ZNF33B: variants seen among roughly 807,000 people sequenced by gnomAD.
ZNF33B encodes zinc finger protein 11b (KOX 2).
ZNF33B carries 29 observed loss-of-function variants against 45.8 expected under a neutral mutation model. That is an observed-to-expected ratio of 0.63 (90% confidence interval 0.47 to 0.86). ZNF33B has a LOEUF of 0.86. Among genes scored for constraint, ZNF33B ranks in the 40% least tolerant of loss-of-function variants. The pLI is 0.00. For missense variants in ZNF33B, 831 were observed against 909.9 expected, an observed-to-expected ratio of 0.91 and a Z score of 1.12; for synonymous variants, 305 against 307.8, an observed-to-expected ratio of 0.99 and a Z score of 0.10.
intron 4 of ZNF33B, chr10:42,605,411 CAGA>C (rs905099332): frequency 4.2e-4 from 64 of 151,932 alleles, no homozygotes; most frequent in Middle Eastern, 3.4e-3. Flanking sequence ...CAGTAGAGGC[CAGA>C]AGGAGGCAGG....
intron 1 of ZNF33B, among the ~76,000 whole-genome samples, chr10:42,578,947 T>C (rs1836785482): frequency 6.6e-6 from 1 of 152,222 alleles, no homozygotes; most frequent in South Asian, 2.1e-4. Flanking sequence ...GTGACATAGA[T>C]GCATTCTGAT....
intron 4 of ZNF33B, among the ~76,000 whole-genome samples, chr10:42,612,608 A>C (rs1838148814): frequency 1.3e-5 from 2 of 152,122 alleles, no homozygotes; most frequent in Admixed American, 1.3e-4. Flanking sequence ...AAGATGTTGT[A>C]TTCTACTTGG....
At chr10:42,599,317 T>C (rs1017482428) in intron 4 of ZNF33B, among the ~76,000 whole-genome samples, 2 of 152,108 alleles carry the variant, frequency 1.3e-5, no homozygotes, top group African/African-American at 4.8e-5. Flanking sequence ...TCCATTTTGT[T>C]TTTTATTATT....
chr10:42,623,596 A>G (rs1838681934), intron 4 of ZNF33B, among the ~76,000 whole-genome samples: 1 of 152,248 alleles, frequency 6.6e-6, no homozygotes, highest in Non-Finnish European at 1.5e-5. Context: ...ATGTTGTCAC[A>G]CTACTGACAT....
chr10:42,578,142 C>T (rs1836775582), intron 1 of ZNF33B, among the ~76,000 whole-genome samples: 1 of 152,184 alleles, frequency 6.6e-6, no homozygotes, highest in Non-Finnish European at 1.5e-5. Context: ...CTGAGTCCTC[C>T]CTGGGACCCT....
At chr10:42,630,915 C>T (rs1839019437) in intron 4 of ZNF33B, among the ~76,000 whole-genome samples, 1 of 152,214 alleles carries the variant, frequency 6.6e-6, no homozygotes, top group African/African-American at 2.4e-5. Context: ...CTCCCTTCAG[C>T]CACTGTGACT....
In ZNF33B at chr10:42,594,191, C is replaced by G. The variant is rs886468450; in HGVS notation, c.759G>C (p.Gly253=). ...GGGATGAACTATCACAGAAAGTTCTCCCAAATTCATTATAGTCACAGTTAT... is the reference window on the plus strand; with the variant it reads ...GGGATGAACTATCACAGAAAGTTCTGCCAAATTCATTATAGTCACAGTTAT... The part of the protein sequence containing the change: ...EENNCDYNEF[G]RTFCDSSSLL... Residue 253 remains glycine (G), a synonymous_variant, in exon 5 of 5, where the codon GGG becomes GGC. Coordinates refer to ENST00000359467, the MANE Select transcript of ZNF33B (RefSeq NM_006955.3). 1 of 1,613,532 alleles carries G rather than the reference C, an allele frequency of 6.2e-7. No homozygotes were observed. The highest frequency in any genetic ancestry group is 1.3e-5 in the African/African-American group (1 of 74,890).
chr10:42,600,641 G>T (rs1448027322), intron 4 of ZNF33B, among the ~76,000 whole-genome samples: 1 of 151,970 alleles, frequency 6.6e-6, no homozygotes, highest in Non-Finnish European at 1.5e-5. Flanking sequence ...TTTAAATGGG[G>T]TGTTATATAC....
In ZNF33B at chr10:42,638,490, G is replaced by T; in HGVS notation, c.-61C>A. The T allele has an allele frequency of 2.1e-6, 1 of 466,580 alleles. No homozygotes were observed. The highest frequency in any genetic ancestry group is 1.5e-5 in the South Asian group (1 of 64,960). The allele number at this position is 466,580 out of a possible 1,614,324, so 28.9% of individuals were successfully genotyped here. ...GAGGCTTACCTCACTCTCTCTTCGG[G>T]TTGCATTCGCCATAAGAGAGCCGGT... On this transcript the variant is annotated 5_prime_UTR_variant, in exon 1 of 5. Coordinates refer to ENST00000359467, the MANE Select transcript of ZNF33B (RefSeq NM_006955.3).
chr10:42,592,719 G>C lies in ZNF33B; in HGVS notation c.2231C>G (p.Thr744Arg). Residue 744 changes from threonine (T) to arginine (R), a missense_variant, in exon 5 of 5, where the codon ACA becomes AGA. By Grantham distance (71) the Thr-to-Arg change is moderately conservative (BLOSUM62 -1). Coordinates refer to ENST00000359467, the MANE Select transcript of ZNF33B (RefSeq NM_006955.3). ...SDLAKHQRSHTGEKPYECNTC... is the reference protein window; with the variant it reads ...SDLAKHQRSHRGEKPYECNTC... ...GTTACATTCATAGGGCTTTTCCCCT[G>C]TATGTGATCTCTGATGTTTAGCAAG... 1 of 1,614,086 alleles carries C rather than the reference G, an allele frequency of 6.2e-7. No homozygotes were observed. Among genetic ancestry groups the C allele is most frequent in the South Asian group, 1.1e-5 (1 of 91,082 alleles).
chr10:42,585,360 A>G (rs1285433790), downstream of ZNF33B, among the ~76,000 whole-genome samples: 1 of 152,216 alleles, frequency 6.6e-6, no homozygotes. Flanking sequence ...GAACTGAACC[A>G]AGGTGAAAAT....
At chr10:42,634,801 T>G (rs1468825792) in intron 2 of ZNF33B, among the ~76,000 whole-genome samples, 1 of 152,216 alleles carries the variant, frequency 6.6e-6, no homozygotes, top group Non-Finnish European at 1.5e-5. Context: ...TAAATGTGAA[T>G]GCCAAAACAA....
chr10:42,615,095 A>C (rs577124443), intron 4 of ZNF33B, among the ~76,000 whole-genome samples: 1 of 152,360 alleles, frequency 6.6e-6, no homozygotes, highest in Non-Finnish European at 1.5e-5. Flanking sequence ...AAACTGGAGA[A>C]ACTGGAAAAT....
At chr10:42,614,164 A>C (rs989545726) in intron 4 of ZNF33B, 1 of 154,836 alleles carries the variant, frequency 6.5e-6, no homozygotes, top group African/African-American at 2.4e-5. Context: ...TGCATGCTTG[A>C]TATAATGTGA....
chr10:42,577,992 CTG>C (rs1297194437), intron 1 of ZNF33B, among the ~76,000 whole-genome samples: 2 of 152,142 alleles, frequency 1.3e-5, no homozygotes, highest in Non-Finnish European at 2.9e-5. Context: ...GCAGGAGCCT[CTG>C]TGAAAACCAC....
At chr10:42,582,955 A>C in intron 1 of ZNF33B, 1 of 589,270 alleles carries the variant, frequency 1.7e-6, no homozygotes, top group East Asian at 2.9e-5. Flanking sequence ...ACAGCACGCC[A>C]GTGTTGGAGA....
chr10:42,584,768 A>T (rs1224685649), downstream of ZNF33B, among the ~76,000 whole-genome samples: 1 of 152,008 alleles, frequency 6.6e-6, no homozygotes, highest in East Asian at 1.9e-4. Context: ...CGATCCACCC[A>T]CCTTGGCCTC....
At chr10:42,633,778 A>C (rs1839160713) in intron 2 of ZNF33B, among the ~76,000 whole-genome samples, 1 of 152,068 alleles carries the variant, frequency 6.6e-6, no homozygotes, top group Non-Finnish European at 1.5e-5. Flanking sequence ...GACCAGCCTG[A>C]CCAAAATGGT....
chr10:42,622,305 A>G (rs2132130572), intron 4 of ZNF33B, among the ~76,000 whole-genome samples: 1 of 152,328 alleles, frequency 6.6e-6, no homozygotes, highest in Non-Finnish European at 1.5e-5. Context: ...TCAAAATTCC[A>G]TCAGCATTTT....
Sources: gnomAD v4.1 joint callset for allele counts (sites outside exome capture counted in the v4.1 genomes callset) on GRCh38, gnomAD v4.1.1 for gene constraint, MANE v1.5 for transcripts, NCBI Gene and HGNC (gene_info 2026-07-23, HGNC 2026-07-21) for gene names.